Variants in PAK1 observed in about 807,000 individuals in gnomAD.
The protein encoded by PAK1 is serine/threonine-protein kinase PAK 1.
PAK1 carries 29 observed loss-of-function variants against 67.4 expected under a neutral mutation model. That is an observed-to-expected ratio of 0.43 (90% CI 0.32 to 0.59). PAK1 has a LOEUF of 0.59. Ranked by LOEUF, PAK1 falls within the 20% of genes least tolerant of loss-of-function variation. The pLI, the probability that PAK1 is intolerant of heterozygous loss-of-function variation, is 0.07. For synonymous variants in PAK1, 223 were observed against 237.4 expected (o/e 0.94, Z 0.56); for missense variants, 337 against 670.7 (o/e 0.50, Z 5.50).
At chr11:77,481,316 C>T in the PAK1 span, among the ~76,000 whole-genome samples, 1 of 151,966 alleles carries the variant, frequency 6.6e-6, no homozygotes, top group Non-Finnish European at 1.5e-5. Context: ...TCAATTTTTC[C>T]CTTTTTGATT....
chr11:77,352,852 C>T (rs1268147618), intron 8 of PAK1, among the ~76,000 whole-genome samples: 2 of 152,134 alleles, frequency 1.3e-5, no homozygotes, highest in Non-Finnish European at 2.9e-5. Context: ...GTAGGCTATA[C>T]TATTTAGTTT....
intron 1 of PAK1, among the ~76,000 whole-genome samples, chr11:77,458,720 A>G (rs545646582): frequency 1.3e-5 from 2 of 152,354 alleles, no homozygotes; most frequent in South Asian, 4.1e-4. Flanking sequence ...GTCCCTATAG[A>G]TAACAAATGA....
Position 77,455,128 on chromosome 11 carries a change from A to G in PAK1, c.-22+18424T>C, listed in dbSNP as rs371197032. Among the ~76,000 whole-genome samples the G allele has an allele frequency of 9.2e-4, 140 of 152,268 alleles. 3 individuals are homozygous for G. The highest frequency in any genetic ancestry group is 3.3e-3 in the African/African-American group (137 of 41,548). On this transcript the variant is annotated intron_variant, in intron 1 of 14. Coordinates refer to ENST00000356341, the MANE Select transcript of PAK1 (RefSeq NM_002576.5). ...ACACAAGCATGATAAAAACGTCAAC[A>G]TGATTTAAGCCAAATTTGAGTCAGA...
the PAK1 span, among the ~76,000 whole-genome samples, chr11:77,491,205 A>G: frequency 6.6e-6 from 1 of 152,092 alleles, no homozygotes; most frequent in African/African-American, 2.4e-5. Context: ...AGAAATCATT[A>G]GAAGGTACAA....
At chr11:77,435,495 T>TC (rs1410097469) in intron 1 of PAK1, among the ~76,000 whole-genome samples, 1 of 109,900 alleles carries the variant, frequency 9.1e-6, no homozygotes, top group Non-Finnish European at 1.6e-5. Context: ...ATATTTTCTC[T>TC]TTTTTTTTTT....
the PAK1 span, among the ~76,000 whole-genome samples, chr11:77,511,740 A>T: frequency 6.6e-6 from 1 of 152,224 alleles, no homozygotes; most frequent in Non-Finnish European, 1.5e-5. Context: ...TGAGCAACTA[A>T]ATCAGAAGTG....
the PAK1 span, among the ~76,000 whole-genome samples, chr11:77,521,838 A>G: frequency 6.6e-6 from 1 of 152,336 alleles, no homozygotes; most frequent in Non-Finnish European, 1.5e-5. Flanking sequence ...CCGGATTTCT[A>G]CATTACCCAT....
intron 9 of PAK1, 182 bp from the exon 10 acceptor site, chr11:77,344,113 T>C (rs914063464): frequency 9.4e-6 from 5 of 532,496 alleles, no homozygotes; most frequent in Non-Finnish European, 1.7e-5. Context: ...CAAGCCAGCA[T>C]CATCATCATC....
chr11:77,415,839 T>A (rs921044718), intron 1 of PAK1, among the ~76,000 whole-genome samples: 1 of 152,108 alleles, frequency 6.6e-6, no homozygotes, highest in African/African-American at 2.4e-5. Context: ...CTGTAAGTTT[T>A]TACTTTATAA....
the PAK1 span, among the ~76,000 whole-genome samples, chr11:77,508,648 A>T: frequency 6.8e-6 from 1 of 146,232 alleles, no homozygotes; most frequent in South Asian, 2.1e-4. Context: ...CCTCTCCCCT[A>T]CATAGAGATT....
Position 77,322,888 on chromosome 11 carries a change from G to C in PAK1, c.*386C>G. The C allele has an allele frequency of 1.8e-6, 1 of 545,126 alleles. No individual in the cohort carries two copies. Among genetic ancestry groups the C allele is most frequent in the Non-Finnish European group, 3.2e-6 (1 of 309,226 alleles). 33.8% of individuals were successfully genotyped at this position (545,126 alleles called of 1,614,324 possible). ...AGCAAGCACTAAAGAAATCTCAATT[G>C]ATTACAAATTGATAATATTATCAAA... On this transcript the variant is annotated 3_prime_UTR_variant, in exon 15 of 15. Transcript: ENST00000356341.
At chr11:77,410,662 G>C (rs1259873449) in intron 1 of PAK1, among the ~76,000 whole-genome samples, 1 of 151,312 alleles carries the variant, frequency 6.6e-6, no homozygotes, top group Non-Finnish European at 1.5e-5. Flanking sequence ...GAGGGGAGGA[G>C]GAAGGGTGAA....
At chr11:77,415,621 A>C (rs1954903268) in intron 1 of PAK1, among the ~76,000 whole-genome samples, 1 of 152,190 alleles carries the variant, frequency 6.6e-6, no homozygotes, top group Non-Finnish European at 1.5e-5. Context: ...AAGATTAAAA[A>C]AAAAACAGTA....
chr11:77,395,363 T>A (rs745895638), intron 1 of PAK1, among the ~76,000 whole-genome samples: 1 of 152,234 alleles, frequency 6.6e-6, no homozygotes, highest in Non-Finnish European at 1.5e-5. Context: ...CAATGCTTTA[T>A]ATAGTATCTA....
intron 5 of PAK1, among the ~76,000 whole-genome samples, chr11:77,371,258 C>T (rs961511878): frequency 8.5e-5 from 13 of 152,210 alleles, no homozygotes; most frequent in African/African-American, 1.9e-4. Flanking sequence ...GTTTGTTAAA[C>T]GAACAAAGCT....
chr11:77,458,910 A>G (rs1014456891), intron 1 of PAK1, among the ~76,000 whole-genome samples: 1 of 152,208 alleles, frequency 6.6e-6, no homozygotes, highest in African/African-American at 2.4e-5. Context: ...TACAGCAAAG[A>G]ACAAAACAAA....
At chr11:77,525,651 G>A in the PAK1 span, among the ~76,000 whole-genome samples, 1 of 152,216 alleles carries the variant, frequency 6.6e-6, no homozygotes, top group Non-Finnish European at 1.5e-5. Context: ...ATAGTGAGAT[G>A]ATGGGAGGGC....
chr11:77,359,882 C>T (rs968611440), intron 5 of PAK1, among the ~76,000 whole-genome samples: 12 of 152,132 alleles, frequency 7.9e-5, no homozygotes, highest in African/African-American at 2.9e-4. Context: ...CAGCAAAGAA[C>T]TGGAGAGGCA....
chr11:77,495,481 T>A, the PAK1 span, among the ~76,000 whole-genome samples: 12 of 151,896 alleles, frequency 7.9e-5, no homozygotes, highest in African/African-American at 2.9e-4. Flanking sequence ...CTCAAAAAAA[T>A]AAAGTAAAGT....
Sources: gnomAD v4.1 joint callset for allele counts (sites outside exome capture counted in the v4.1 genomes callset) on GRCh38, gnomAD v4.1.1 for gene constraint, MANE v1.5 for transcripts, NCBI Gene and HGNC (gene_info 2026-07-23, HGNC 2026-07-21) for gene names.